The following NAV3 variants were observed in gnomAD, a reference collection of about 807,000 sequenced individuals.
NAV3 encodes neuron navigator 3, also known as pore membrane and/or filament interacting like protein 1.
A neutral mutation model predicts 244.7 loss-of-function variants in NAV3; 87 were observed. The observed-to-expected ratio is 0.36, with a 90% CI of 0.30 to 0.42. The LOEUF is 0.42. Among genes scored for constraint, NAV3 ranks in the 20% least tolerant of loss-of-function variants. The pLI is 1.00. For synonymous variants in NAV3, 1,126 were observed against 1,042.2 expected, an observed-to-expected ratio of 1.08 and a Z score of -1.55; for missense variants, 2,663 against 2,893.3, an observed-to-expected ratio of 0.92 and a Z score of 1.83.
rs149137222 is a variant in NAV3 at position 78,172,457 on chromosome 12, G to A, written c.4982-2849G>A. ...TCTCCATAGAACTTTTAGTCTAGTG[G>A]GAGAGCAGAAGGTAAAGGAATGTAT... is the stretch of plus-strand genomic sequence containing the variant. On this transcript the variant is annotated intron_variant, in intron 24 of 39. Transcript: ENST00000397909. Among the ~76,000 whole-genome samples the A allele has an allele frequency of 5.1e-4, 78 of 151,636 alleles. No homozygotes were observed. The Middle Eastern group carries it at 0.014, about 26-fold the overall frequency.
In NAV3 at chr12:78,200,461, A is replaced by T. The variant is rs2140028804; in HGVS notation, c.6716-12A>T. ...TAACTCTTAAAATATTTTGTTATTT[A>T]TTTCTTATCAGGTCCCCGACTATTC... On this transcript the variant is annotated splice_polypyrimidine_tract_variant and intron_variant, in intron 37 of 39. Coordinates refer to ENST00000397909, the MANE Select transcript of NAV3 (RefSeq NM_001024383.2). 6.8e-7 allele frequency: 1 copy of T among 1,468,826 alleles called. No individual in the cohort carries two copies. Among genetic ancestry groups the T allele is most frequent in the Non-Finnish European group, 9.3e-7 (1 of 1,077,166 alleles). 91.0% of individuals were successfully genotyped at this position (1,468,826 alleles called of 1,614,324 possible). A position where few individuals can be genotyped will look rare whatever the true frequency, so the allele number is the denominator to read the frequency against.
chr12:77,599,090 G>A (rs1355211179), intron 2 of NAV3, among the ~76,000 whole-genome samples: 4 of 151,884 alleles, frequency 2.6e-5, no homozygotes, highest in Non-Finnish European at 5.9e-5. Flanking sequence ...GTGTAATTTA[G>A]ATACCTCATG....
intron 5 of NAV3, among the ~76,000 whole-genome samples, chr12:77,969,142 ATGTGTGTGTG>A (rs3078729): frequency 6.8e-6 from 1 of 147,688 alleles, no homozygotes; most frequent in East Asian, 2.0e-4. Context: ...AGTGTTTTTG[ATGTGTGTGTG>A]TGTGTGTGTG....
intron 2 of NAV3, among the ~76,000 whole-genome samples, chr12:77,673,556 C>A (rs1007751132): frequency 6.6e-6 from 1 of 152,004 alleles, no homozygotes; most frequent in East Asian, 1.9e-4. Context: ...ATGAAAGATG[C>A]AATAATTTTT....
intron 9 of NAV3, among the ~76,000 whole-genome samples, chr12:78,035,734 T>C (rs1879746867): frequency 1.3e-5 from 2 of 152,220 alleles, no homozygotes; most frequent in African/African-American, 4.8e-5. Context: ...ATTTCCTTTT[T>C]GTTTTTACAA....
intron 2 of NAV3, among the ~76,000 whole-genome samples, chr12:77,607,714 A>C (rs695981): frequency 6.6e-6 from 1 of 151,790 alleles, no homozygotes; most frequent in Non-Finnish European, 1.5e-5. Context: ...ACCCCATACC[A>C]TTTCTATTGT....
chr12:77,970,751 A>G (rs968855281), intron 5 of NAV3, among the ~76,000 whole-genome samples: 26 of 152,128 alleles, frequency 1.7e-4, no homozygotes, highest in African/African-American at 6.3e-4. Flanking sequence ...AACAAAGTGG[A>G]TGACATCGTG....
In NAV3 at chr12:78,051,132, A is replaced by T. The variant is rs2137264247; in HGVS notation, c.2501A>T (p.Asp834Val). ...ATCCTTGGGAAAAGTCTCAGGACTG[A>T]TGACATCAACAGTGGGTAAGTAACC... is the stretch of plus-strand genomic sequence containing the variant. Reference protein sequence around the residue: ...GDILGKSLRTDDINSGYMTDG... With the variant: ...GDILGKSLRTVDINSGYMTDG... Residue 834 changes from aspartate to valine, a missense_variant, in exon 11 of 40, where the codon GAT becomes GTT. Transcript: ENST00000397909. 6.2e-7 allele frequency: 1 copy of T among 1,607,902 alleles called. No homozygotes were observed. The highest frequency in any genetic ancestry group is 8.5e-7 in the Non-Finnish European group (1 of 1,174,992).
intron 34 of NAV3, among the ~76,000 whole-genome samples, chr12:78,196,723 G>T (rs942640482): frequency 1.3e-5 from 2 of 151,778 alleles, no homozygotes; most frequent in Non-Finnish European, 2.9e-5. Flanking sequence ...CTTTTATCAA[G>T]GTCCTATGGC....
At position 78,064,426 on chromosome 12, in the gene NAV3, T is replaced by TGC. The variant is rs1555273019; in HGVS notation, c.2636+5311_2636+5312insGC. 9.9e-3 allele frequency among the ~76,000 whole-genome samples: 1,355 copies of TGC among 136,260 alleles called. 16 individuals carry two copies. Among genetic ancestry groups the TGC allele is most frequent in the African/African-American group, 0.024 (883 of 36,708 alleles). The allele number at this position is 136,260 out of a possible 152,430, so 89.4% of individuals were successfully genotyped here. On this transcript the variant is annotated intron_variant, in intron 12 of 39. Transcript: ENST00000397909. ...GTCTGTCTGTCTGTCTGTCTGTCTGTCTGCCTGCCTGCCTGCCTGCCTGCC... is the reference window on the plus strand; with the variant it reads ...GTCTGTCTGTCTGTCTGTCTGTCTGTGCCTGCCTGCCTGCCTGCCTGCCTGCC...
intron 2 of NAV3, among the ~76,000 whole-genome samples, chr12:77,771,155 A>G (rs1042686897): frequency 6.6e-6 from 1 of 152,240 alleles, no homozygotes; most frequent in Non-Finnish European, 1.5e-5. Flanking sequence ...CAAAAAACAC[A>G]TGAAAAAATG....
chr12:78,103,777 A>G (rs1336122310), intron 12 of NAV3, among the ~76,000 whole-genome samples: 1 of 152,198 alleles, frequency 6.6e-6, no homozygotes, highest in African/African-American at 2.4e-5. Context: ...AGACTTATTC[A>G]CTACCACTAG....
chr12:77,852,538 C>CATAAATAA (rs754155678), intron 1 of NAV3, among the ~76,000 whole-genome samples: 92 of 151,316 alleles, frequency 6.1e-4, no homozygotes, highest in African/African-American at 1.6e-3. Context: ...GACTCCCTCT[C>CATAAATAA]ATAAATAAAT....
intron 4 of NAV3, among the ~76,000 whole-genome samples, chr12:77,967,852 T>C (rs2137974121): frequency 6.6e-6 from 1 of 152,286 alleles, no homozygotes; most frequent in South Asian, 2.1e-4. Context: ...CCTTATTTAT[T>C]AATATATAGC....
chr12:77,855,344 C>G (rs1878232525), intron 1 of NAV3, among the ~76,000 whole-genome samples: 1 of 151,906 alleles, frequency 6.6e-6, no homozygotes. Context: ...AAATTCTAAG[C>G]TTTTGTTATT....
chr12:77,819,186 G>A (rs974677685), intron 2 of NAV3, among the ~76,000 whole-genome samples: 2 of 151,982 alleles, frequency 1.3e-5, no homozygotes, highest in South Asian at 2.1e-4. Flanking sequence ...GGACTCATGC[G>A]TGCAATAGGT....
intron 2 of NAV3, among the ~76,000 whole-genome samples, chr12:77,624,234 A>G (rs1267111996): frequency 6.6e-6 from 1 of 152,194 alleles, no homozygotes; most frequent in African/African-American, 2.4e-5. Flanking sequence ...ATCTGGAAGG[A>G]AATCAATTCA....
At chr12:77,932,472 C>A (rs1311667921) in intron 1 of NAV3, among the ~76,000 whole-genome samples, 1 of 152,160 alleles carries the variant, frequency 6.6e-6, no homozygotes, top group Non-Finnish European at 1.5e-5. Flanking sequence ...GTGTATCATT[C>A]TTTCATCTGC....
At chr12:77,645,708 A>AT (rs1160186718) in intron 2 of NAV3, among the ~76,000 whole-genome samples, 1 of 151,932 alleles carries the variant, frequency 6.6e-6, no homozygotes, top group Non-Finnish European at 1.5e-5. Context: ...TGGTTATTGC[A>AT]TTTTGTGGTC....
Sources: allele counts gnomAD v4.1 joint callset (sites outside exome capture counted in the v4.1 genomes callset), GRCh38; gene constraint gnomAD v4.1.1; transcripts MANE v1.5; gene names NCBI Gene and HGNC (gene_info 2026-07-23, HGNC 2026-07-21).